DPP10: variants seen among roughly 807,000 people sequenced by gnomAD.
DPP10 encodes the protein dipeptidyl peptidase like 10.
Under a neutral mutation model 120.9 loss-of-function variants are expected in DPP10, and 33 were observed. The observed-to-expected ratio is 0.27, with a 90% CI of 0.21 to 0.37. The LOEUF is 0.37. Among genes scored for constraint, DPP10 ranks in the 10% least tolerant of loss-of-function variants. The pLI is 1.00. For missense variants in DPP10, 816 were observed against 942.8 expected, an observed-to-expected ratio of 0.87 and a Z score of 1.76; for synonymous variants, 337 against 326.1, an observed-to-expected ratio of 1.03 and a Z score of -0.36.
intron 1 of DPP10, among the ~76,000 whole-genome samples, chr2:114,903,212 T>A (rs1215970377): frequency 6.6e-6 from 1 of 152,222 alleles, no homozygotes; most frequent in Non-Finnish European, 1.5e-5. Context: ...GAAGGGCATC[T>A]TGGTTGCTTC....
intron 8 of DPP10, among the ~76,000 whole-genome samples, chr2:115,734,655 TAAAAAAAAAAA>T (rs55950813): frequency 3.0e-5 from 3 of 100,406 alleles, no homozygotes; most frequent in Non-Finnish European, 3.6e-5. Flanking sequence ...GACTCTGTCT[TAAAAAAAAAAA>T]AAAAAAAAAA....
chr2:115,196,936 T>G (rs1035565597), intron 1 of DPP10, among the ~76,000 whole-genome samples: 3 of 152,250 alleles, frequency 2.0e-5, no homozygotes, highest in African/African-American at 7.2e-5. Flanking sequence ...AAGAGCTTCC[T>G]ATCAGAGATT....
intron 1 of DPP10, among the ~76,000 whole-genome samples, chr2:115,058,710 T>C (rs1360267513): frequency 2.6e-5 from 4 of 152,098 alleles, no homozygotes; most frequent in African/African-American, 4.8e-5. Flanking sequence ...CTCTTTGTCT[T>C]ATTTTTGCAG....
intron 1 of DPP10, chr2:115,161,881 T>C: frequency 8.0e-7 from 1 of 1,245,356 alleles, no homozygotes; most frequent in Non-Finnish European, 1.0e-6. Flanking sequence ...GCCCGTGACC[T>C]GCGAACGCTG....
intron 5 of DPP10, among the ~76,000 whole-genome samples, chr2:115,537,082 A>T (rs1313750251): frequency 2.0e-5 from 3 of 152,020 alleles, no homozygotes; most frequent in Non-Finnish European, 4.4e-5. Context: ...TTCTATAGAA[A>T]TAATATCATG....
At chr2:115,150,392 T>C (rs1005678368) in intron 1 of DPP10, among the ~76,000 whole-genome samples, 2 of 152,224 alleles carry the variant, frequency 1.3e-5, no homozygotes, top group Non-Finnish European at 2.9e-5. Flanking sequence ...AAAATTATAG[T>C]TCTTAAAGCC....
chr2:115,784,017 A>G (rs1683065610), intron 17 of DPP10, among the ~76,000 whole-genome samples: 1 of 152,218 alleles, frequency 6.6e-6, no homozygotes, highest in Non-Finnish European at 1.5e-5. Context: ...ATTTTAATTT[A>G]ATTTTATCCT....
chr2:114,802,539 G>T (rs184355242), intron 1 of DPP10, among the ~76,000 whole-genome samples: 1 of 152,196 alleles, frequency 6.6e-6, no homozygotes, highest in Admixed American at 6.5e-5. Flanking sequence ...GAAGTCTAAT[G>T]GCCAGAACGA....
At chr2:115,330,238 T>A (rs2062630135) in intron 2 of DPP10, among the ~76,000 whole-genome samples, 1 of 152,216 alleles carries the variant, frequency 6.6e-6, no homozygotes, top group South Asian at 2.1e-4. Context: ...AATGTCTTCT[T>A]TTGAGAAGTG....
intron 5 of DPP10, among the ~76,000 whole-genome samples, chr2:115,681,238 AT>A (rs1221842850): frequency 1.3e-5 from 2 of 151,912 alleles, no homozygotes; most frequent in Non-Finnish European, 2.9e-5. Flanking sequence ...AAAATATGTA[AT>A]AAAAATAATT....
chr2:114,632,512 T>G (rs1255848187), intron 1 of DPP10, among the ~76,000 whole-genome samples: 6 of 133,522 alleles, frequency 4.5e-5, no homozygotes, highest in Admixed American at 7.4e-5. Context: ...GGTTTTTTTT[T>G]TTTTTTTTTT....
rs565450174 is a variant in DPP10 at position 114,550,748 on chromosome 2, A to G, written c.60+107910A>G. Among the ~76,000 whole-genome samples the G allele has an allele frequency of 1.8e-4, 28 of 152,298 alleles. No homozygotes were observed. In the South Asian group the frequency reaches 3.7e-3, roughly 20 times the overall value. On this transcript the variant is annotated intron_variant, in intron 1 of 25. Transcript: ENST00000410059. ...TGACACATTATACCAGATTGAAATT[A>G]CTGATTAATTTGTCTGTGTTTCCCC... is the stretch of plus-strand genomic sequence containing the variant.
chr2:115,662,701 C>G (rs186983551), intron 5 of DPP10, among the ~76,000 whole-genome samples: 1 of 152,266 alleles, frequency 6.6e-6, no homozygotes, highest in East Asian at 1.9e-4. Flanking sequence ...TAAATTGTTA[C>G]ACCCAGTATC....
chr2:115,651,732 A>G (rs1326188799), intron 5 of DPP10, among the ~76,000 whole-genome samples: 1 of 152,048 alleles, frequency 6.6e-6, no homozygotes, highest in Non-Finnish European at 1.5e-5. Context: ...TTTTACACAT[A>G]TTCTCTAGCT....
At chr2:114,454,292 G>A (rs1345641667) in intron 1 of DPP10, among the ~76,000 whole-genome samples, 1 of 152,128 alleles carries the variant, frequency 6.6e-6, no homozygotes, top group African/African-American at 2.4e-5. Flanking sequence ...CCATTGTTAA[G>A]TGCCCAAACC....
chr2:114,445,702 G>T (rs1573370337), intron 1 of DPP10, among the ~76,000 whole-genome samples: 1 of 152,122 alleles, frequency 6.6e-6, no homozygotes, highest in East Asian at 1.9e-4. Context: ...GAAATTGGGA[G>T]AAGTTATAAT....
At chr2:115,176,582 A>G (rs1207450558) in intron 1 of DPP10, among the ~76,000 whole-genome samples, 3 of 152,170 alleles carry the variant, frequency 2.0e-5, no homozygotes, top group East Asian at 1.9e-4. Flanking sequence ...GTGGAGGCCA[A>G]TGATTTCCCA....
intron 5 of DPP10, among the ~76,000 whole-genome samples, chr2:115,614,677 G>A (rs1388725207): frequency 2.6e-5 from 4 of 152,126 alleles, no homozygotes; most frequent in East Asian, 1.9e-4. Flanking sequence ...CTCCCACCTC[G>A]GCCAGGCGTA....
At chr2:115,061,946 T>C (rs948497263) in intron 1 of DPP10, among the ~76,000 whole-genome samples, 17 of 151,590 alleles carry the variant, frequency 1.1e-4, no homozygotes, top group African/African-American at 4.1e-4. Context: ...GTTAAAATTG[T>C]TTTTTTTCCC....
Sources: allele counts gnomAD v4.1 joint callset (sites outside exome capture counted in the v4.1 genomes callset), GRCh38; gene constraint gnomAD v4.1.1; transcripts MANE v1.5; gene names NCBI Gene and HGNC (gene_info 2026-07-23, HGNC 2026-07-21).